The following CAMSAP1 variants were observed in gnomAD, a reference collection of about 807,000 sequenced individuals.
The protein encoded by CAMSAP1 is calmodulin-regulated spectrin-associated protein 1.
A neutral mutation model predicts 143.5 loss-of-function variants in CAMSAP1; 58 were observed. That is an observed-to-expected ratio of 0.40 (90% confidence interval 0.33 to 0.50). The LOEUF is 0.50. Ranked by LOEUF, CAMSAP1 falls within the 20% of genes least tolerant of loss-of-function variation. The pLI is 0.45. For synonymous variants in CAMSAP1, 945 were observed against 859.3 expected (o/e 1.10, Z -1.74); for missense variants, 1,969 against 2,115.7 (o/e 0.93, Z 1.36).
intron 5 of CAMSAP1, among the ~76,000 whole-genome samples, chr9:135,858,154 C>CTT (rs34496524): frequency 2.1e-5 from 3 of 141,472 alleles, no homozygotes; most frequent in East Asian, 4.1e-4. Flanking sequence ...TCCACTTTGC[C>CTT]TTTTTTTTTT....
chr9:135,873,386 T>C (rs1284484789), intron 3 of CAMSAP1, among the ~76,000 whole-genome samples: 11 of 152,084 alleles, frequency 7.2e-5, no homozygotes, highest in Admixed American at 3.3e-4. Context: ...AAGACTTCAA[T>C]AACTAACTCC....
chr9:135,829,184 T>A (rs1388535759), intron 7 of CAMSAP1, among the ~76,000 whole-genome samples: 1 of 152,178 alleles, frequency 6.6e-6, no homozygotes, highest in East Asian at 1.9e-4. Context: ...CAGTGGTAGA[T>A]ACATCGCTTT....
chr9:135,852,332 A>C (rs1248494789), intron 5 of CAMSAP1, among the ~76,000 whole-genome samples: 2 of 152,206 alleles, frequency 1.3e-5, no homozygotes, highest in South Asian at 2.1e-4. Flanking sequence ...TTGTCACAGG[A>C]AAGTTTTACA....
intron 1 of CAMSAP1, among the ~76,000 whole-genome samples, chr9:135,887,667 A>T (rs1294664222): frequency 6.6e-6 from 1 of 152,142 alleles, no homozygotes; most frequent in African/African-American, 2.4e-5. Context: ...GCCCATCAGC[A>T]CCTGCAGTTT....
intron 5 of CAMSAP1, among the ~76,000 whole-genome samples, chr9:135,851,139 G>T (rs369677703): frequency 6.6e-6 from 1 of 152,194 alleles, no homozygotes; most frequent in Non-Finnish European, 1.5e-5. Flanking sequence ...GTGTGGAGTG[G>T]GGGGTGGCCC....
Position 135,824,077 on chromosome 9 carries a change from C to G in CAMSAP1, c.1316-43G>C. On this transcript the variant is annotated intron_variant, in intron 9 of 16. Transcript: ENST00000389532. The surrounding 1 kb of genome is among the most constrained non-coding windows in gnomAD (Gnocchi z 4.1). ...TAGATAGTGTTAAGTAACCAATTTTCTATCACTTGAAATTCTTTCAATATG... is the reference window on the plus strand; with the variant it reads ...TAGATAGTGTTAAGTAACCAATTTTGTATCACTTGAAATTCTTTCAATATG... 1 of 1,502,494 alleles carries G rather than the reference C, an allele frequency of 6.7e-7. No homozygotes were observed. The allele number at this position is 1,502,494 out of a possible 1,614,324, so 93.1% of individuals were successfully genotyped here.
At chr9:135,890,463 G>A (rs138172931) in intron 1 of CAMSAP1, among the ~76,000 whole-genome samples, 11 of 152,244 alleles carry the variant, frequency 7.2e-5, no homozygotes, top group East Asian at 1.9e-4. Context: ...GGAGCTGTCC[G>A]TGCCAGGAGA....
intron 1 of CAMSAP1, among the ~76,000 whole-genome samples, chr9:135,884,281 T>G (rs1050801530): frequency 5.3e-5 from 8 of 152,058 alleles, no homozygotes; most frequent in African/African-American, 1.9e-4. Flanking sequence ...AAACCTGTCT[T>G]GTGTTCCGAG....
In CAMSAP1 at chr9:135,816,082, C is replaced by G. The variant is rs538629814; in HGVS notation, c.4272-77G>C. ...CACCACTGCTGGCAAGGGGCTGGCCCGCAACCAGGACAGGAAGCACATCAG... is the reference window on the plus strand; with the variant it reads ...CACCACTGCTGGCAAGGGGCTGGCCGGCAACCAGGACAGGAAGCACATCAG... On this transcript the variant is annotated intron_variant, in intron 14 of 16. Coordinates refer to ENST00000389532, the MANE Select transcript of CAMSAP1 (RefSeq NM_015447.4). 1.6e-5 allele frequency: 22 copies of G among 1,345,648 alleles called. No individual in the cohort carries two copies. The East Asian group carries it at 2.8e-4, about 17-fold the overall frequency. 83.4% of individuals were successfully genotyped at this position (1,345,648 alleles called of 1,614,324 possible).
intron 1 of CAMSAP1, among the ~76,000 whole-genome samples, chr9:135,893,246 C>T (rs537757893): frequency 1.6e-5 from 2 of 128,706 alleles, no homozygotes; most frequent in East Asian, 2.2e-4. Flanking sequence ...AGAAGAGAGA[C>T]GAGAAGGAGA....
intron 3 of CAMSAP1, among the ~76,000 whole-genome samples, chr9:135,877,969 A>C (rs935823726): frequency 6.6e-6 from 1 of 152,214 alleles, no homozygotes; most frequent in Non-Finnish European, 1.5e-5. Flanking sequence ...ACAGGATGGG[A>C]AACCCGCATG....
intron 1 of CAMSAP1, among the ~76,000 whole-genome samples, chr9:135,891,270 C>A (rs1257191345): frequency 6.6e-6 from 1 of 152,200 alleles, no homozygotes; most frequent in African/African-American, 2.4e-5. Flanking sequence ...AACAGGGAAG[C>A]CTAGGCACGG....
At chr9:135,845,907 G>A (rs1397955914) in intron 7 of CAMSAP1, among the ~76,000 whole-genome samples, 1 of 152,062 alleles carries the variant, frequency 6.6e-6, no homozygotes, top group East Asian at 1.9e-4. Flanking sequence ...CTCATGGATA[G>A]GAAGAATCAA....
Position 135,855,747 on chromosome 9 carries a change from TTA to T in CAMSAP1, c.809-5288_809-5287del, listed in dbSNP as rs1491236932. Among the ~76,000 whole-genome samples, 104 of 107,348 alleles carry T rather than the reference TTA, an allele frequency of 9.7e-4. No homozygotes were observed. In the East Asian group the frequency reaches 0.013, roughly 14 times the overall value. The allele number at this position is 107,348 out of a possible 152,430, so 70.4% of individuals were successfully genotyped here. On this transcript the variant is annotated intron_variant, in intron 5 of 16. Coordinates refer to ENST00000389532, the MANE Select transcript of CAMSAP1 (RefSeq NM_015447.4). ...TGACTAAGGGAGACTTCATCTCAAT[TTA>T]AAAAAAAAAAAAAAAAAAAAAGGCC...
intron 7 of CAMSAP1, among the ~76,000 whole-genome samples, chr9:135,827,826 T>A (rs767486875): frequency 6.6e-6 from 1 of 152,248 alleles, no homozygotes; most frequent in Non-Finnish European, 1.5e-5. Flanking sequence ...AGAGGAAATG[T>A]AAGCCCAGCT....
chr9:135,815,991 T>G lies in CAMSAP1; in HGVS notation c.4286A>C (p.Glu1429Ala). 2 of 1,613,586 alleles carry G rather than the reference T, an allele frequency of 1.2e-6. No individual in the cohort carries two copies. Among genetic ancestry groups the G allele is most frequent in the South Asian group, 2.2e-5 (2 of 91,082 alleles). Reference sequence around the variant, plus strand: ...GTTACGGCTCAGTATGGGCAGGGCTTCCATCGATTCCACTCTGCAGGCAGA... The same window carrying G: ...GTTACGGCTCAGTATGGGCAGGGCTGCCATCGATTCCACTCTGCAGGCAGA... ...GTPSQRVESM[E>A]ALPILSRNPS... Residue 1429 changes from glutamate to alanine, a missense_variant, in exon 15 of 17, where the codon GAA becomes GCA. By Grantham distance (107) the Glu-to-Ala change is moderately radical (BLOSUM62 -1). Coordinates refer to ENST00000389532, the MANE Select transcript of CAMSAP1 (RefSeq NM_015447.4).
chr9:135,828,352 A>G (rs1835747531), intron 7 of CAMSAP1, among the ~76,000 whole-genome samples: 1 of 152,218 alleles, frequency 6.6e-6, no homozygotes, highest in Non-Finnish European at 1.5e-5. Flanking sequence ...GGAGGAGGGA[A>G]GTAAGGACGA....
rs546478460 is a variant in CAMSAP1 at position 135,818,984 on chromosome 9, G to C, written c.3959+26C>G. ...GACCCACCAGGCTCCTGCTCAGTCT[G>C]CTTTCCCCCCCGGCGGGACGCTTAC... On this transcript the variant is annotated intron_variant, in intron 12 of 16. Transcript: ENST00000389532. The surrounding 1 kb of genome is among the most constrained non-coding windows in gnomAD (Gnocchi z 7.7). The C allele has an allele frequency of 5.0e-6, 8 of 1,600,888 alleles. No individual in the cohort carries two copies. In the East Asian group the frequency reaches 9.0e-5, roughly 18 times the overall value.
chr9:135,827,663 G>T, intron 7 of CAMSAP1, 79 bp from the exon 8 acceptor site: 1 of 1,308,244 alleles, frequency 7.6e-7, no homozygotes, highest in Middle Eastern at 2.3e-4. Flanking sequence ...GCTTTTATAA[G>T]CACTAACTCA....
Sources: allele counts gnomAD v4.1 joint callset (sites outside exome capture counted in the v4.1 genomes callset), GRCh38; gene constraint gnomAD v4.1.1; non-coding constraint Gnocchi (gnomAD v3.1); transcripts MANE v1.5; gene names NCBI Gene and HGNC (gene_info 2026-07-23, HGNC 2026-07-21).